The following SLC30A9 variants were observed in gnomAD, a reference collection of about 807,000 sequenced individuals.
SLC30A9 encodes proton-coupled zinc antiporter SLC30A9, mitochondrial.
SLC30A9 carries 58 observed loss-of-function variants against 87.5 expected under a neutral mutation model. That is an observed-to-expected ratio of 0.66 (90% confidence interval 0.54 to 0.82). SLC30A9 has a LOEUF of 0.82. Ranked by LOEUF, SLC30A9 falls within the 40% of genes least tolerant of loss-of-function variation. The pLI is 0.00. For synonymous variants in SLC30A9, 234 were observed against 233.0 expected (o/e 1.00, Z -0.04); for missense variants, 557 against 679.1 (o/e 0.82, Z 2.00).
chr4:42,048,005 C>A (rs1045265165), intron 8 of SLC30A9, among the ~76,000 whole-genome samples: 1 of 151,894 alleles, frequency 6.6e-6, no homozygotes, highest in Non-Finnish European at 1.5e-5. Context: ...CATGTTCTCA[C>A]TCATAAGTGA....
At chr4:42,018,912 T>C (rs1157050623) in intron 3 of SLC30A9, among the ~76,000 whole-genome samples, 3 of 152,144 alleles carry the variant, frequency 2.0e-5, no homozygotes, top group African/African-American at 7.2e-5. Flanking sequence ...CAGGGTTTTT[T>C]AGCTATTTGG....
chr4:42,049,274 C>T, intron 8 of SLC30A9, 103 bp from the exon 9 acceptor site: 1 of 611,288 alleles, frequency 1.6e-6, no homozygotes, highest in Non-Finnish European at 2.9e-6. Flanking sequence ...CCTAATTTTA[C>T]TTTCAACAGA....
chr4:42,065,725 G>A (rs1233291713), intron 12 of SLC30A9, among the ~76,000 whole-genome samples: 1 of 152,154 alleles, frequency 6.6e-6, no homozygotes, highest in Non-Finnish European at 1.5e-5. Flanking sequence ...TAAACTATGT[G>A]GTGGTAAGAG....
chr4:42,081,368 A>G (rs562927954), intron 17 of SLC30A9, among the ~76,000 whole-genome samples: 1 of 152,228 alleles, frequency 6.6e-6, no homozygotes, highest in Admixed American at 6.5e-5. Flanking sequence ...GTTTGATGCC[A>G]TTTGTGTTGA....
chr4:42,027,292 T>C (rs935442137), intron 6 of SLC30A9, among the ~76,000 whole-genome samples: 2 of 152,246 alleles, frequency 1.3e-5, no homozygotes, highest in Non-Finnish European at 2.9e-5. Context: ...AGCCATGATC[T>C]TTTATTTACA....
chr4:41,996,380 A>T (rs948089159), intron 1 of SLC30A9, among the ~76,000 whole-genome samples: 2 of 151,870 alleles, frequency 1.3e-5, no homozygotes, highest in African/African-American at 4.8e-5. Flanking sequence ...GGCGTGAGCC[A>T]CTGCACCTGG....
At chr4:42,055,393 T>TC (rs11431420) in intron 9 of SLC30A9, among the ~76,000 whole-genome samples, 1 of 151,684 alleles carries the variant, frequency 6.6e-6, no homozygotes, top group Non-Finnish European at 1.5e-5. Context: ...ATTTATTTAT[T>TC]ACTTATTTTT....
At chr4:42,064,636 A>G (rs1577717619) in intron 11 of SLC30A9, among the ~76,000 whole-genome samples, 1 of 152,214 alleles carries the variant, frequency 6.6e-6, no homozygotes, top group South Asian at 2.1e-4. Context: ...TATAGGGGCA[A>G]AGCACTCTCT....
intron 8 of SLC30A9, among the ~76,000 whole-genome samples, chr4:42,044,823 C>T (rs997703206): frequency 2.6e-5 from 4 of 152,134 alleles, no homozygotes; most frequent in African/African-American, 7.2e-5. Flanking sequence ...ATGTAAAACA[C>T]TCCTCAGCAA....
intron 14 of SLC30A9, among the ~76,000 whole-genome samples, chr4:42,067,950 T>C (rs2153140354): frequency 6.6e-6 from 1 of 152,298 alleles, no homozygotes; most frequent in South Asian, 2.1e-4. Flanking sequence ...ATGAAAGCGC[T>C]CAGCAAGCCT....
intron 17 of SLC30A9, among the ~76,000 whole-genome samples, chr4:42,081,989 G>A (rs574232399): frequency 1.6e-4 from 24 of 152,158 alleles, no homozygotes; most frequent in African/African-American, 5.5e-4. Flanking sequence ...AGGCCGAGGC[G>A]GGTGGATCAC....
At chr4:42,017,510 A>G (rs1715774428) in intron 2 of SLC30A9, among the ~76,000 whole-genome samples, 1 of 151,900 alleles carries the variant, frequency 6.6e-6, no homozygotes, top group Non-Finnish European at 1.5e-5. Context: ...ATTCTGTATT[A>G]TCTACTATAA....
chr4:42,054,448 G>A (rs1717519198), intron 9 of SLC30A9, among the ~76,000 whole-genome samples: 1 of 151,630 alleles, frequency 6.6e-6, no homozygotes, highest in Non-Finnish European at 1.5e-5. Flanking sequence ...ATGTGGAAAT[G>A]TGATTACTTA....
intron 1 of SLC30A9, among the ~76,000 whole-genome samples, chr4:42,000,881 A>AG (rs1714955224): frequency 6.6e-6 from 1 of 152,094 alleles, no homozygotes; most frequent in Admixed American, 6.5e-5. Flanking sequence ...ATATCTATAT[A>AG]GGGTTTTTGG....
intron 6 of SLC30A9, among the ~76,000 whole-genome samples, chr4:42,034,014 G>A (rs1716570750): frequency 6.7e-6 from 1 of 149,532 alleles, no homozygotes; most frequent in South Asian, 2.1e-4. Flanking sequence ...GACGTTTCTA[G>A]TGTTTTGCTA....
At chr4:42,042,464 G>A (rs542025442) in intron 8 of SLC30A9, among the ~76,000 whole-genome samples, 4 of 152,256 alleles carry the variant, frequency 2.6e-5, no homozygotes, top group East Asian at 1.9e-4. Flanking sequence ...CAGGAAGTTC[G>A]AACTGGACAG....
rs200030265 is a variant in SLC30A9, at chr4:42,066,618, T to C, written c.1141T>C (p.Tyr381His). 1.0e-5 allele frequency: 16 copies of C among 1,602,922 alleles called. No homozygotes were observed. In the African/African-American group the frequency reaches 1.9e-4, roughly 19 times the overall value. ...ARAKGMSFYK[Y>H]VMESRDPSTN... is the part of the protein sequence containing the mutation. ...GGCTAAAGGAATGTCATTTTACAAGTATGGTATGTATTTTAGAAACCAAGT... is the reference window on the plus strand; with the variant it reads ...GGCTAAAGGAATGTCATTTTACAAGCATGGTATGTATTTTAGAAACCAAGT... Residue 381 changes from tyrosine (Y) to histidine (H), a missense_variant, in exon 13 of 18, where the codon TAT (tyrosine) becomes CAT (histidine). Physicochemically the swap from Tyr to His is moderately conservative, Grantham distance 83. This residue lies in a region of SLC30A9 where 467 missense variants were observed against 529.8 expected (regional missense o/e 0.88). Transcript: ENST00000264451.
intron 2 of SLC30A9, among the ~76,000 whole-genome samples, chr4:42,013,473 A>G (rs1715540988): frequency 6.6e-6 from 1 of 152,184 alleles, no homozygotes; most frequent in African/African-American, 2.4e-5. Flanking sequence ...CAGGGCTTTA[A>G]TAATCTAAAC....
chr4:41,997,033 C>T (rs200580455), intron 1 of SLC30A9, among the ~76,000 whole-genome samples: 1 of 140,842 alleles, frequency 7.1e-6, no homozygotes, highest in Non-Finnish European at 1.5e-5. Flanking sequence ...GACTCCATCT[C>T]AAATAAATAA....
Sources: allele counts gnomAD v4.1 joint callset (sites outside exome capture counted in the v4.1 genomes callset), GRCh38; gene constraint gnomAD v4.1.1; regional missense constraint gnomAD v4.1.1; transcripts MANE v1.5; gene names NCBI Gene and HGNC (gene_info 2026-07-23, HGNC 2026-07-21).